TRIM43: variants seen among roughly 807,000 people sequenced by gnomAD.
The protein encoded by TRIM43 is tripartite motif containing 43, also known as tripartite motif-containing protein 43.
A neutral mutation model predicts 27.7 loss-of-function variants in TRIM43; 12 were observed. That is an observed-to-expected ratio of 0.43 (90% CI 0.28 to 0.70). The LOEUF is 0.70. TRIM43 is among the 30% of genes least tolerant of loss of function. The pLI, the probability that TRIM43 is intolerant of heterozygous loss-of-function variation, is 0.17. For synonymous variants in TRIM43, 64 were observed against 121.9 expected (o/e 0.52, Z 3.13); for missense variants, 186 against 356.5 (o/e 0.52, Z 3.85).
intron 1 of TRIM43, among the ~76,000 whole-genome samples, chr2:95,592,455 G>T (rs1271932520): frequency 2.6e-5 from 4 of 151,682 alleles, no homozygotes; most frequent in African/African-American, 9.7e-5. Context: ...TGCAACCTCC[G>T]CCTTCCAGGT....
chr2:95,593,906 C>T, intron 1 of TRIM43, 114 bp from the exon 2 acceptor site: 2 of 1,530,836 alleles, frequency 1.3e-6, no homozygotes, highest in Non-Finnish European at 1.7e-6. Context: ...AGATTAAAGC[C>T]TATACTTCTT....
chr2:95,596,494 C>T (rs573557960), intron 4 of TRIM43, 62 bp downstream of exon 4: 1 of 1,488,550 alleles, frequency 6.7e-7, no homozygotes, highest in South Asian at 1.4e-5. Context: ...TCTTTGCCTT[C>T]CATTGGGTAC....
Position 95,593,892 on chromosome 2 carries a change from T to C in TRIM43, c.-4-128T>C, listed in dbSNP as rs1685303466. 2.7e-6 allele frequency: 4 copies of C among 1,508,262 alleles called. No homozygotes were observed. In the African/African-American group the frequency reaches 4.2e-5, roughly 16 times the overall value. 93.4% of individuals were successfully genotyped at this position (1,508,262 alleles called of 1,614,324 possible). On this transcript the variant is annotated intron_variant, in intron 1 of 6. Coordinates refer to ENST00000272395, the MANE Select transcript of TRIM43 (RefSeq NM_138800.3). Reference sequence around the variant, plus strand: ...TTTTCTGTTTTTCCTATTTCTGTCATTGCAGATTAAAGCCTATACTTCTTT... The same window carrying C: ...TTTTCTGTTTTTCCTATTTCTGTCACTGCAGATTAAAGCCTATACTTCTTT...
In TRIM43 at chr2:95,594,445, G is replaced by C; in HGVS notation, c.411+11G>C. 1 of 1,609,198 alleles carries C rather than the reference G, an allele frequency of 6.2e-7. No homozygotes were observed. The highest frequency in any genetic ancestry group is 2.2e-5 in the East Asian group (1 of 44,856). Reference sequence around the variant, plus strand: ...GCTGAGGAACACCGGGTAAGAGATAGCTCTGTGATCACCTGAAAGCTGGAG... The same window carrying C: ...GCTGAGGAACACCGGGTAAGAGATACCTCTGTGATCACCTGAAAGCTGGAG... On this transcript the variant is annotated intron_variant, in intron 2 of 6. Transcript: ENST00000272395.
chr2:95,594,417 G>A lies in TRIM43; in HGVS notation c.394G>A (p.Ala132Thr). The change falls in exon 2 of 7, where the codon GCA (alanine) becomes ACA (threonine). Residue 132 changes from alanine to threonine, a missense_variant. By Grantham distance (58) the Ala-to-Thr change is moderately conservative. This residue lies in a region of TRIM43 where 91 missense variants were observed against 119.3 expected (regional missense o/e 0.76). Coordinates refer to ENST00000272395, the MANE Select transcript of TRIM43 (RefSeq NM_138800.3). ...GAHKHHPIEE[A>T]AEEHREKLLK... Reference sequence around the variant, plus strand: ...TCACAAACACCATCCCATCGAAGAGGCAGCTGAGGAACACCGGGTAAGAGA... The same window carrying A: ...TCACAAACACCATCCCATCGAAGAGACAGCTGAGGAACACCGGGTAAGAGA... The A allele has an allele frequency of 6.2e-7, 1 of 1,610,970 alleles. No homozygotes were observed. Among genetic ancestry groups the A allele is most frequent in the Non-Finnish European group, 8.5e-7 (1 of 1,179,540 alleles).
At chr2:95,595,575 G>A (rs2707322) in intron 3 of TRIM43, among the ~76,000 whole-genome samples, 150 of 150,672 alleles carry the variant, frequency 1.0e-3, no homozygotes, top group African/African-American at 3.5e-3. Context: ...ATGCCAGTCC[G>A]AGTAGGAGAA....
chr2:95,594,750 G>A (rs1374689121), intron 2 of TRIM43, among the ~76,000 whole-genome samples: 6 of 150,946 alleles, frequency 4.0e-5, no homozygotes, highest in African/African-American at 1.5e-4. Context: ...CTGGACAAAT[G>A]AGTATGGGAG....
rs576134420 is a variant in TRIM43, at chr2:95,593,455, G to A, written c.-4-565G>A. ...ATTCTTAGCTTTACCTTGGAGAGGTGCCTTACCTTGATTTGACTGTTTTTC... is the reference window on the plus strand; with the variant it reads ...ATTCTTAGCTTTACCTTGGAGAGGTACCTTACCTTGATTTGACTGTTTTTC... On this transcript the variant is annotated intron_variant, in intron 1 of 6. Transcript: ENST00000272395. Among the ~76,000 whole-genome samples, 242 of 151,880 alleles carry A rather than the reference G, an allele frequency of 1.6e-3. 4 individuals carry two copies. Among genetic ancestry groups the A allele is most frequent in the African/African-American group, 5.0e-3 (208 of 41,426 alleles).
chr2:95,594,492 A>C (rs1295192494), intron 2 of TRIM43, 58 bp downstream of exon 2: 24 of 1,590,654 alleles, frequency 1.5e-5, no homozygotes, highest in Non-Finnish European at 2.0e-5. Context: ...TAAAGATATT[A>C]GAAGGATGAT....
rs1327453441 is a variant in TRIM43 at position 95,593,063 on chromosome 2, A to AT, written c.-5+920dup. Among the ~76,000 whole-genome samples, 14 of 151,444 alleles carry AT rather than the reference A, an allele frequency of 9.2e-5. No homozygotes were observed. The East Asian group carries it at 2.3e-3, about 25-fold the overall frequency. On this transcript the variant is annotated intron_variant, in intron 1 of 6. Transcript: ENST00000272395. ...AGGCGTCCTCCACCACTCCCGGCTA[A>AT]TTTTTTGTATTTTTTAGTAGAGTTA...
chr2:95,593,029 T>G (rs1226830218), intron 1 of TRIM43, among the ~76,000 whole-genome samples: 2 of 151,632 alleles, frequency 1.3e-5, no homozygotes, highest in African/African-American at 4.9e-5. Flanking sequence ...CCAGAGTAGC[T>G]GGGACTACAG....
In TRIM43 at chr2:95,595,003, C is replaced by A. The variant is rs147066303; in HGVS notation, c.412-47C>A. On this transcript the variant is annotated intron_variant, in intron 2 of 6. Transcript: ENST00000272395. ...GTGTATACCACTCAGATTGTGGAAT[C>A]TTTGGCATTTGACTTTCTGTTGTTC... The A allele has an allele frequency of 3.9e-4, 617 of 1,585,360 alleles. 14 individuals are homozygous for A. The African/African-American group carries it at 7.4e-3, about 19-fold the overall frequency.
chr2:95,593,333 A>G (rs934801323), intron 1 of TRIM43, among the ~76,000 whole-genome samples: 1 of 151,694 alleles, frequency 6.6e-6, no homozygotes, highest in African/African-American at 2.4e-5. Flanking sequence ...TGTAATATTA[A>G]CTAGTATATC....
intron 3 of TRIM43, among the ~76,000 whole-genome samples, 190 bp from the exon 4 acceptor site, chr2:95,596,012 C>T (rs1685350327): frequency 6.6e-6 from 1 of 151,072 alleles, no homozygotes; most frequent in Non-Finnish European, 1.5e-5. Flanking sequence ...ACATTTAAAC[C>T]TAAAGGGCTT....
chr2:95,595,499 G>A (rs1345735274), intron 3 of TRIM43, among the ~76,000 whole-genome samples: 2 of 151,488 alleles, frequency 1.3e-5, no homozygotes, highest in Non-Finnish European at 1.5e-5. Context: ...GGAAGAAATC[G>A]GGTGGGAACA....
At chr2:95,592,323 T>C (rs1343398431) in intron 1 of TRIM43, among the ~76,000 whole-genome samples, 174 bp downstream of exon 1, 2 of 151,744 alleles carry the variant, frequency 1.3e-5, no homozygotes. Context: ...ACATAATCCA[T>C]AGGTTTATGG....
chr2:95,594,639 AT>A (rs1685321707), intron 2 of TRIM43, among the ~76,000 whole-genome samples: 1 of 150,550 alleles, frequency 6.6e-6, no homozygotes, highest in African/African-American at 2.5e-5. Flanking sequence ...GATTAAGTAA[AT>A]GTCATTATTA....
Position 95,594,194 on chromosome 2 carries a change from A to T in TRIM43, c.171A>T (p.Glu57Asp), listed in dbSNP as rs1170806228. ...CTGCAAACTGCCCTGCATGCAGGGAACCATCACCGAAAATGGACTTCAAAA... is the reference window on the plus strand; with the variant it reads ...CTGCAAACTGCCCTGCATGCAGGGATCCATCACCGAAAATGGACTTCAAAA... ...QSPANCPACREPSPKMDFKTN... is the reference protein window; with the variant it reads ...QSPANCPACRDPSPKMDFKTN... Residue 57 changes from glutamate (E) to aspartate (D), a missense_variant, in exon 2 of 7, where the codon GAA becomes GAT. This residue lies in a region of TRIM43 where 29 missense variants were observed against 78.7 expected (regional missense o/e 0.37). Transcript: ENST00000272395. The T allele has an allele frequency of 6.2e-7, 1 of 1,610,620 alleles. No homozygotes were observed. The highest frequency in any genetic ancestry group is 8.5e-7 in the Non-Finnish European group (1 of 1,178,186).
chr2:95,592,896 G>GTT (rs766863867), intron 1 of TRIM43, among the ~76,000 whole-genome samples: 6 of 139,926 alleles, frequency 4.3e-5, no homozygotes, highest in South Asian at 2.3e-4. Flanking sequence ...CCTAGTTTTT[G>GTT]TTTTTTTTTT....
Sources: allele counts gnomAD v4.1 joint callset (sites outside exome capture counted in the v4.1 genomes callset), GRCh38; gene constraint gnomAD v4.1.1; regional missense constraint gnomAD v4.1.1; transcripts MANE v1.5; gene names NCBI Gene and HGNC (gene_info 2026-07-23, HGNC 2026-07-21).